MOG: variants seen among roughly 807,000 people sequenced by gnomAD.
MOG encodes the protein myelin-oligodendrocyte glycoprotein.
A neutral mutation model predicts 35.9 loss-of-function variants in MOG; 20 were observed. That is an observed-to-expected ratio of 0.56 (90% CI 0.39 to 0.81). The LOEUF (loss-of-function observed/expected upper bound fraction) is 0.81, where lower values mean the gene tolerates loss of function less well. MOG is among the 30% of genes least tolerant of loss of function. The probability of loss-of-function intolerance (pLI) is 0.00; values close to 1 mark genes in which losing one functional copy is unlikely to be tolerated. For synonymous variants in MOG, 92 were observed against 114.3 expected, an observed-to-expected ratio of 0.80 and a Z score of 1.25; for missense variants, 251 against 301.0, an observed-to-expected ratio of 0.83 and a Z score of 1.23.
intron 2 of MOG, among the ~76,000 whole-genome samples, chr6:29,665,101 C>CTT (rs9280633): frequency 4.1e-5 from 6 of 144,598 alleles, no homozygotes; most frequent in South Asian, 2.2e-4. Flanking sequence ...TTTTCTTTTT[C>CTT]TTTTTTTTTT....
At chr6:29,657,663 CTTT>C (rs9278226) in intron 1 of MOG, among the ~76,000 whole-genome samples, 118 of 110,016 alleles carry the variant, frequency 1.1e-3, no homozygotes, top group Middle Eastern at 0.01. Context: ...TTTTTCTTTT[CTTT>C]TTTTTTTTTT....
chr6:29,658,853 C>G (rs1041332440), intron 1 of MOG, among the ~76,000 whole-genome samples: 3 of 152,190 alleles, frequency 2.0e-5, no homozygotes, highest in African/African-American at 7.2e-5. Flanking sequence ...GTGGTTTATG[C>G]CCATAATCCC....
chr6:29,671,953 A>C lies in MOG; in HGVS notation c.*768A>C, dbSNP rs1458106500. 1 of 163,072 alleles carries C rather than the reference A, an allele frequency of 6.1e-6. No homozygotes were observed. The highest frequency in any genetic ancestry group is 1.4e-5 in the Non-Finnish European group (1 of 74,024). The allele number at this position is 163,072 out of a possible 1,614,324, so 10.1% of individuals were successfully genotyped here. A position where few individuals can be genotyped will look rare whatever the true frequency, so the allele number is the denominator to read the frequency against. ...CTGTTTATTCAACAACTACTACTTG[A>C]TGGTCAGACACAAACAAACAAGCTA... On this transcript the variant is annotated 3_prime_UTR_variant, in exon 8 of 8. Transcript: ENST00000376917.
rs1312544508 is a variant in MOG, at chr6:29,670,506, G to C, written c.709+109G>C. 6.7e-7 allele frequency: 1 copy of C among 1,491,968 alleles called. No homozygotes were observed. Among genetic ancestry groups the C allele is most frequent in the African/African-American group, 1.4e-5 (1 of 72,280 alleles). The allele number at this position is 1,491,968 out of a possible 1,614,324, so 92.4% of individuals were successfully genotyped here. A position where few individuals can be genotyped will look rare whatever the true frequency, so the allele number is the denominator to read the frequency against. On this transcript the variant is annotated intron_variant, in intron 6 of 7. Transcript: ENST00000376917. The surrounding 1 kb of genome is among the most constrained non-coding windows in gnomAD (Gnocchi z 4.2). ...CCAGGACTCAAGATTAGGGGAGCTG[G>C]GATTTCCTTATTCCTCTGTCCCCAT...
At position 29,662,160 on chromosome 6, in the gene MOG, A is replaced by G; in HGVS notation, c.436+2494A>G. 7 of 985,026 alleles carry G rather than the reference A, an allele frequency of 7.1e-6. No individual in the cohort carries two copies. The highest frequency in any genetic ancestry group is 8.4e-6 in the Non-Finnish European group (7 of 829,606). The allele number at this position is 985,026 out of a possible 1,614,324, so 61.0% of individuals were successfully genotyped here. On this transcript the variant is annotated intron_variant, in intron 2 of 7. Coordinates refer to ENST00000376917, the MANE Select transcript of MOG (RefSeq NM_206809.4). The surrounding 1 kb of genome is among the most constrained non-coding windows in gnomAD (Gnocchi z 4.2). ...TGTGATTTTATTACTAGTTGTCTCT[A>G]ATCCTTTCTTTAAATTCTTCATTAT...
intron 2 of MOG, among the ~76,000 whole-genome samples, chr6:29,660,338 G>A (rs926892399): frequency 7.3e-5 from 11 of 150,828 alleles, no homozygotes; most frequent in Middle Eastern, 3.4e-3. Context: ...TGGCTAAAAC[G>A]GTGAAACCCC....
chr6:29,662,181 ATT>A lies in MOG; in HGVS notation c.436+2516_436+2517del. On this transcript the variant is annotated intron_variant, in intron 2 of 7. Coordinates refer to ENST00000376917, the MANE Select transcript of MOG (RefSeq NM_206809.4). This position sits in a 1 kb window ranked among gnomAD's most constrained non-coding sequence, Gnocchi z 4.2. ...CTCTAATCCTTTCTTTAAATTCTTC[ATT>A]ATGAAACATAAAAACAAATGCCAGG... 1 of 984,890 alleles carries A rather than the reference ATT, an allele frequency of 1.0e-6. No homozygotes were observed. Among genetic ancestry groups the A allele is most frequent in the South Asian group, 4.7e-5 (1 of 21,278 alleles). The allele number at this position is 984,890 out of a possible 1,614,324, so 61.0% of individuals were successfully genotyped here. A position where few individuals can be genotyped will look rare whatever the true frequency, so the allele number is the denominator to read the frequency against.
In MOG at chr6:29,670,268, G is replaced by A. The variant is rs759365316; in HGVS notation, c.593-13G>A. On this transcript the variant is annotated splice_polypyrimidine_tract_variant and intron_variant, in intron 5 of 7. Coordinates refer to ENST00000376917, the MANE Select transcript of MOG (RefSeq NM_206809.4). This position sits in a 1 kb window ranked among gnomAD's most constrained non-coding sequence, Gnocchi z 4.2. ...ACACATGTTAACCCTGTTTGTTCTGGTGAACAATTCAGATCCCCACTTTCT... is the reference window on the plus strand; with the variant it reads ...ACACATGTTAACCCTGTTTGTTCTGATGAACAATTCAGATCCCCACTTTCT... The A allele has an allele frequency of 6.2e-7, 1 of 1,614,170 alleles. No homozygotes were observed. Among genetic ancestry groups the A allele is most frequent in the African/African-American group, 1.3e-5 (1 of 75,026 alleles).
At chr6:29,664,541 C>G (rs2256266) in intron 2 of MOG, 2 of 416,562 alleles carry the variant, frequency 4.8e-6, no homozygotes, top group African/African-American at 2.1e-5. Flanking sequence ...GAAGAGGGCT[C>G]TTAACCTTTT....
At position 29,662,462 on chromosome 6, in the gene MOG, A is replaced by C. The variant is rs1233821845; in HGVS notation, c.436+2796A>C. Among the ~76,000 whole-genome samples the C allele has an allele frequency of 1.3e-5, 2 of 150,730 alleles. No individual in the cohort carries two copies. Among genetic ancestry groups the C allele is most frequent in the Non-Finnish European group, 2.9e-5 (2 of 67,868 alleles). Reference sequence around the variant, plus strand: ...CGCGCCATTGCACTCCAGCCTGGGCAACAAGAGCAAAACTCTGTCTCAAAA... The same window carrying C: ...CGCGCCATTGCACTCCAGCCTGGGCCACAAGAGCAAAACTCTGTCTCAAAA... On this transcript the variant is annotated intron_variant, in intron 2 of 7. Transcript: ENST00000376917. The surrounding 1 kb of genome is among the most constrained non-coding windows in gnomAD (Gnocchi z 4.2).
At chr6:29,660,780 G>A (rs1768514565) in intron 2 of MOG, among the ~76,000 whole-genome samples, 1 of 148,526 alleles carries the variant, frequency 6.7e-6, no homozygotes, top group African/African-American at 2.5e-5. Context: ...AGGCTGGAGT[G>A]CAATGGCGCC....
intron 5 of MOG, among the ~76,000 whole-genome samples, chr6:29,668,802 A>G (rs1394989390): frequency 6.6e-6 from 1 of 152,128 alleles, no homozygotes; most frequent in Admixed American, 6.6e-5. Flanking sequence ...AGTCTAAAGG[A>G]CCCCTTTGCA....
chr6:29,661,880 G>A, intron 2 of MOG: 3 of 984,574 alleles, frequency 3.0e-6, no homozygotes, highest in South Asian at 4.7e-5. Flanking sequence ...CTTTGCCTCA[G>A]GGGAGAAAGT....
At chr6:29,661,836 A>C (rs1768856571) in intron 2 of MOG, 1 of 983,686 alleles carries the variant, frequency 1.0e-6, no homozygotes, top group Non-Finnish European at 1.2e-6. Context: ...AAAAAAAAAA[A>C]AACAAGGAAG....
rs1386285948 is a variant in MOG, at chr6:29,662,211, C to T, written c.436+2545C>T. ...GAAACATAAAAACAAATGCCAGGCGCGGCAGCTCACGCCTGTAATCCCAGC... is the reference window on the plus strand; with the variant it reads ...GAAACATAAAAACAAATGCCAGGCGTGGCAGCTCACGCCTGTAATCCCAGC... On this transcript the variant is annotated intron_variant, in intron 2 of 7. Transcript: ENST00000376917. The surrounding 1 kb of genome is among the most constrained non-coding windows in gnomAD (Gnocchi z 4.2). 7 of 983,174 alleles carry T rather than the reference C, an allele frequency of 7.1e-6. No individual in the cohort carries two copies. The highest frequency in any genetic ancestry group is 6.0e-6 in the Non-Finnish European group (5 of 828,118). 60.9% of individuals were successfully genotyped at this position (983,174 alleles called of 1,614,324 possible).
chr6:29,659,286 C>A (rs1301869579), intron 1 of MOG, 33 bp from the exon 2 acceptor site: 1 of 1,608,512 alleles, frequency 6.2e-7, no homozygotes, highest in Non-Finnish European at 8.5e-7. Context: ...TTCCCTCTGA[C>A]CTTAAATCTC....
rs997617258 is a variant in MOG, at chr6:29,671,909, A to C, written c.*724A>C. 20 of 193,172 alleles carry C rather than the reference A, an allele frequency of 1.0e-4. No homozygotes were observed. The highest frequency in any genetic ancestry group is 4.0e-4 in the African/African-American group (17 of 42,834). The allele number at this position is 193,172 out of a possible 1,614,324, so 12.0% of individuals were successfully genotyped here. A position where few individuals can be genotyped will look rare whatever the true frequency, so the allele number is the denominator to read the frequency against. ...CCTCTCATCCTTTTCTCCTATCTTC[A>C]TATCTATCAGAGTATCCACTGTTTA... On this transcript the variant is annotated 3_prime_UTR_variant, in exon 8 of 8. Transcript: ENST00000376917.
chr6:29,662,174 ATTC>A lies in MOG; in HGVS notation c.436+2512_436+2514del. ...TAGTTGTCTCTAATCCTTTCTTTAA[ATTC>A]TTCATTATGAAACATAAAAACAAAT... On this transcript the variant is annotated intron_variant, in intron 2 of 7. Coordinates refer to ENST00000376917, the MANE Select transcript of MOG (RefSeq NM_206809.4). This position sits in a 1 kb window ranked among gnomAD's most constrained non-coding sequence, Gnocchi z 4.2. 2.0e-6 allele frequency: 2 copies of A among 984,992 alleles called. No homozygotes were observed. The highest frequency in any genetic ancestry group is 2.4e-6 in the Non-Finnish European group (2 of 829,690). 61.0% of individuals were successfully genotyped at this position (984,992 alleles called of 1,614,324 possible). A position where few individuals can be genotyped will look rare whatever the true frequency, so the allele number is the denominator to read the frequency against.
rs1408890398 is a variant in MOG, at chr6:29,670,071, TGTTA to T, written c.593-209_593-206del. ...GGCATGAGCCACCACACCTGGCAGT[TGTTA>T]CATTTTTAATGAAAGAAAATGTTAA... On this transcript the variant is annotated intron_variant, in intron 5 of 7. Coordinates refer to ENST00000376917, the MANE Select transcript of MOG (RefSeq NM_206809.4). The surrounding 1 kb of genome is among the most constrained non-coding windows in gnomAD (Gnocchi z 4.2). 1.4e-4 allele frequency: 124 copies of T among 868,106 alleles called. No homozygotes were observed. The highest frequency in any genetic ancestry group is 2.3e-4 in the Non-Finnish European group (118 of 522,838). The allele number at this position is 868,106 out of a possible 1,614,324, so 53.8% of individuals were successfully genotyped here.
Sources: gnomAD v4.1 joint callset for allele counts (sites outside exome capture counted in the v4.1 genomes callset) on GRCh38, gnomAD v4.1.1 for gene constraint, Gnocchi (gnomAD v3.1) non-coding constraint, MANE v1.5 for transcripts, NCBI Gene and HGNC (gene_info 2026-07-23, HGNC 2026-07-21) for gene names.